The following RIMBP2 variants were observed in gnomAD, a reference collection of about 807,000 sequenced individuals.
RIMBP2 encodes RIMS-binding protein 2.
Under a neutral mutation model 118.6 loss-of-function variants are expected in RIMBP2, and 48 were observed. The observed-to-expected ratio is 0.40, with a 90% confidence interval of 0.32 to 0.51. The LOEUF (loss-of-function observed/expected upper bound fraction) is 0.51. Ranked by LOEUF, RIMBP2 falls within the 20% of genes least tolerant of loss-of-function variation. The probability of loss-of-function intolerance (pLI) is 0.41; values close to 1 mark genes in which losing one functional copy is unlikely to be tolerated. For synonymous variants in RIMBP2, 762 were observed against 742.9 expected (o/e 1.03, Z -0.42); for missense variants, 1,551 against 1,768.3 (o/e 0.88, Z 2.20).
chr12:130,645,503 C>A (rs2062824700), intron 1 of RIMBP2, among the ~76,000 whole-genome samples: 2 of 152,226 alleles, frequency 1.3e-5, no homozygotes, highest in South Asian at 4.1e-4. Context: ...CACCTTCCAC[C>A]CCTACAGTCA....
chr12:130,708,578 A>T (rs2632610), intron 1 of RIMBP2, among the ~76,000 whole-genome samples: 145,106 of 151,928 alleles, frequency 0.96, 69,669 homozygotes, highest in East Asian at 1. Context: ...TCCCAGATAC[A>T]AAGGATGCTG....
Position 130,617,675 on chromosome 12 carries a change from A to C in RIMBP2, c.-217+10647T>G, listed in dbSNP as rs1254340287. Among the ~76,000 whole-genome samples, 1 of 152,218 alleles carries C rather than the reference A, an allele frequency of 6.6e-6. No homozygotes were observed. Among genetic ancestry groups the C allele is most frequent in the Non-Finnish European group, 1.5e-5 (1 of 68,038 alleles). Reference sequence around the variant, plus strand: ...AGAGAGGGCCTTGGGCTGAGTGTCTATGACCTGACGCTAAGCAGCCCAGCA... The same window carrying C: ...AGAGAGGGCCTTGGGCTGAGTGTCTCTGACCTGACGCTAAGCAGCCCAGCA... On this transcript the variant is annotated intron_variant, in intron 2 of 22. Transcript: ENST00000690449. This position sits in a 1 kb window ranked among gnomAD's most constrained non-coding sequence, Gnocchi z 4.6.
In RIMBP2 at chr12:130,447,903, G is replaced by A. The variant is rs543236042; in HGVS notation, c.581+2297C>T. ...GCGCCCAGGTGAGCAAGAGGCTTTC[G>A]GTTTGCAGAAATGTCTAAGCAGGTT... is the stretch of plus-strand genomic sequence containing the variant. On this transcript the variant is annotated intron_variant, in intron 9 of 22. Transcript: ENST00000690449. This position sits in a 1 kb window ranked among gnomAD's most constrained non-coding sequence, Gnocchi z 4.4. Among the ~76,000 whole-genome samples, 29 of 152,228 alleles carry A rather than the reference G, an allele frequency of 1.9e-4. No individual in the cohort carries two copies. The South Asian group carries it at 4.8e-3, about 25-fold the overall frequency.
intron 1 of RIMBP2, among the ~76,000 whole-genome samples, chr12:130,653,459 G>A (rs928719788): frequency 5.9e-5 from 9 of 152,208 alleles, no homozygotes; most frequent in East Asian, 1.9e-4. Context: ...CAGCTCCCAC[G>A]GCTGCTCTCA....
Position 130,456,032 on chromosome 12 carries a change from C to G in RIMBP2, c.358+464G>C, listed in dbSNP as rs534005610. Among the ~76,000 whole-genome samples, 59 of 152,284 alleles carry G rather than the reference C, an allele frequency of 3.9e-4. 1 individual carries two copies. Among genetic ancestry groups the G allele is most frequent in the African/African-American group, 1.3e-3 (55 of 41,564 alleles). On this transcript the variant is annotated intron_variant, in intron 7 of 22. Coordinates refer to ENST00000690449, the MANE Select transcript of RIMBP2 (RefSeq NM_001393629.1). ...GCTAGAACAGAGGTTCCAAGCACGT[C>G]CCAACATCACCAACAAGTTACTGAG...
Position 130,441,849 on chromosome 12 carries a change from T to A in RIMBP2, c.1503A>T (p.Ala501=), listed in dbSNP as rs2078165303. Residue 501 remains alanine, a splice_region_variant and synonymous_variant, in exon 11 of 23, where the codon GCA becomes GCT. Coordinates refer to ENST00000690449, the MANE Select transcript of RIMBP2 (RefSeq NM_001393629.1). ...CCCACGGAAGGACACAGGGCTCACC[T>A]GCAGGCAACGTGGAGAACTCCACAA... The part of the protein sequence containing the change: ...EAFVEFSTLP[A]GPPAPPQDVT... 6.2e-7 allele frequency: 1 copy of A among 1,613,000 alleles called. No individual in the cohort carries two copies. The highest frequency in any genetic ancestry group is 1.3e-5 in the African/African-American group (1 of 74,922).
chr12:130,626,365 C>A (rs574169307), intron 2 of RIMBP2, among the ~76,000 whole-genome samples: 13 of 147,334 alleles, frequency 8.8e-5, no homozygotes, highest in African/African-American at 3.5e-4. Context: ...ACGACTACCA[C>A]TGGCATCACC....
chr12:130,441,563 T>C (rs1331702644), intron 11 of RIMBP2, among the ~76,000 whole-genome samples: 6 of 152,146 alleles, frequency 3.9e-5, no homozygotes, highest in Admixed American at 1.3e-4. Context: ...GATGTAACCG[T>C]GTCCCCTGGG....
At chr12:130,470,910 G>C (rs1398638769) in intron 5 of RIMBP2, among the ~76,000 whole-genome samples, 167 bp from the exon 6 acceptor site, 1 of 152,156 alleles carries the variant, frequency 6.6e-6, no homozygotes, top group African/African-American at 2.4e-5. Flanking sequence ...TTGAGTTTCA[G>C]AAATACATGT....
chr12:130,624,539 C>G (rs535231248), intron 2 of RIMBP2, among the ~76,000 whole-genome samples: 6 of 152,082 alleles, frequency 3.9e-5, no homozygotes, highest in Non-Finnish European at 8.8e-5. Flanking sequence ...ACACCAAACT[C>G]TTCATAATGA....
intron 2 of RIMBP2, among the ~76,000 whole-genome samples, chr12:130,551,415 T>C (rs561825009): frequency 1.6e-4 from 25 of 152,336 alleles, no homozygotes; most frequent in Non-Finnish European, 3.1e-4. Flanking sequence ...TCTGTGTTCA[T>C]GGGTACACGG....
rs1489482052 is a variant in RIMBP2, at chr12:130,596,904, T to C, written c.-217+31418A>G. Among the ~76,000 whole-genome samples, 6 of 152,316 alleles carry C rather than the reference T, an allele frequency of 3.9e-5. No individual in the cohort carries two copies. In the East Asian group the frequency reaches 9.6e-4, roughly 24 times the overall value. On this transcript the variant is annotated intron_variant, in intron 2 of 22. Coordinates refer to ENST00000690449, the MANE Select transcript of RIMBP2 (RefSeq NM_001393629.1). ...TGCCAAGAGTCCATTCAAGAAGAAA[T>C]AGATAACTTGAGTGGCTCCATGTTT...
Position 130,437,392 on chromosome 12 carries a change from G to A in RIMBP2, c.1657-101C>T, listed in dbSNP as rs528632533. On this transcript the variant is annotated intron_variant, in intron 12 of 22. Transcript: ENST00000690449. ...CTCTGCCCAGAGGCCAGGTGCAAAG[G>A]ATCATGCCCAGCGACCTCCGACTCC... is the stretch of plus-strand genomic sequence containing the variant. 222 of 993,874 alleles carry A rather than the reference G, an allele frequency of 2.2e-4. 1 individual carries two copies. The East Asian group carries it at 5.6e-3, about 25-fold the overall frequency. 61.6% of individuals were successfully genotyped at this position (993,874 alleles called of 1,614,324 possible).
At chr12:130,426,318 T>C (rs2076788219) in intron 15 of RIMBP2, 1 of 151,300 alleles carries the variant, frequency 6.6e-6, no homozygotes. Context: ...CTCACTCTAT[T>C]GCCCAGTCTG....
rs2058461689 is a variant in RIMBP2, at chr12:130,581,254, CGG to C, written c.-217+47066_-217+47067del. On this transcript the variant is annotated intron_variant, in intron 2 of 22. Transcript: ENST00000690449. The surrounding 1 kb of genome is among the most constrained non-coding windows in gnomAD (Gnocchi z 4.4). ...GGTCCCAGGTCACACAGGGGTGTGC[CGG>C]GAGTCAGGTTCAAACACAACAGGGT... Among the ~76,000 whole-genome samples the C allele has an allele frequency of 6.6e-6, 1 of 152,186 alleles. No individual in the cohort carries two copies. Among genetic ancestry groups the C allele is most frequent in the East Asian group, 1.9e-4 (1 of 5,176 alleles).
chr12:130,443,394 G>T (rs1228421049), intron 10 of RIMBP2, among the ~76,000 whole-genome samples: 1 of 152,196 alleles, frequency 6.6e-6, no homozygotes, highest in Admixed American at 6.5e-5. Context: ...AGAAAACGGA[G>T]AAGTGTTCAG....
chr12:130,424,453 C>T lies in RIMBP2; in HGVS notation c.2818G>A (p.Ala940Thr), dbSNP rs1005534950. 3.6e-5 allele frequency: 44 copies of T among 1,232,074 alleles called. No homozygotes were observed. The highest frequency in any genetic ancestry group is 7.8e-5 in the African/African-American group (5 of 64,394). The allele number at this position is 1,232,074 out of a possible 1,614,324, so 76.3% of individuals were successfully genotyped here. A position where few individuals can be genotyped will look rare whatever the true frequency, so the allele number is the denominator to read the frequency against. ...SRFGFGNTVA[A>T]CSPGPGHCPC... is the part of the protein sequence containing the mutation. ...CAGTGACCAGGGCCTGGGCTGCACG[C>T]GGCCACGGTGTTTCCGAAGCCAAAC... The change falls in exon 16 of 23, where the codon GCG becomes ACG. Residue 940 changes from alanine (A) to threonine (T), a missense_variant. By Grantham distance (58) the Ala-to-Thr change is moderately conservative. Transcript: ENST00000690449. This position sits in a 1 kb window ranked among gnomAD's most constrained non-coding sequence, Gnocchi z 9.8.
intron 1 of RIMBP2, among the ~76,000 whole-genome samples, chr12:130,664,233 G>A (rs1422475537): frequency 6.6e-6 from 1 of 151,700 alleles, no homozygotes; most frequent in Non-Finnish European, 1.5e-5. Flanking sequence ...CTCAGTCTCA[G>A]AGGAGGGAGT....
chr12:130,514,663 C>T (rs530210807), intron 3 of RIMBP2, among the ~76,000 whole-genome samples: 18 of 152,280 alleles, frequency 1.2e-4, no homozygotes, highest in Middle Eastern at 3.4e-3. Flanking sequence ...TGTCGTCAGC[C>T]TGCGCTGGAG....
Sources: allele counts gnomAD v4.1 joint callset (sites outside exome capture counted in the v4.1 genomes callset), GRCh38; gene constraint gnomAD v4.1.1; non-coding constraint Gnocchi (gnomAD v3.1); transcripts MANE v1.5; gene names NCBI Gene and HGNC (gene_info 2026-07-23, HGNC 2026-07-21).